DLGAP2: variants seen among roughly 807,000 people sequenced by gnomAD.
DLGAP2 encodes DLG associated protein 2, also known as disks large-associated protein 2.
Under a neutral mutation model 100.3 loss-of-function variants are expected in DLGAP2, and 26 were observed. That is an observed-to-expected ratio of 0.26 (90% confidence interval 0.19 to 0.36). The LOEUF (loss-of-function observed/expected upper bound fraction) is 0.36. Ranked by LOEUF, DLGAP2 falls within the 10% of genes least tolerant of loss-of-function variation. The pLI is 1.00. For missense variants in DLGAP2, 1,858 were observed against 1,453.2 expected (o/e 1.28, Z -4.53); for synonymous variants, 886 against 630.1 (o/e 1.41, Z -6.08).
At chr8:943,269 G>C (rs1378667266) in intron 2 of DLGAP2, among the ~76,000 whole-genome samples, 2 of 151,998 alleles carry the variant, frequency 1.3e-5, no homozygotes, top group Non-Finnish European at 1.5e-5. Context: ...CAGGCTTGCT[G>C]CTTGCCTTTC....
At chr8:855,245 T>G (rs1180199305) in intron 1 of DLGAP2, among the ~76,000 whole-genome samples, 1 of 152,178 alleles carries the variant, frequency 6.6e-6, no homozygotes, top group Non-Finnish European at 1.5e-5. Context: ...TCATTTCCTT[T>G]CTCTTTTTTC....
chr8:1,329,179 G>T (rs1438442504), intron 3 of DLGAP2, among the ~76,000 whole-genome samples: 2 of 152,254 alleles, frequency 1.3e-5, no homozygotes, highest in Non-Finnish European at 2.9e-5. Flanking sequence ...GTTCTCAAGA[G>T]ATGTGAAGAA....
At chr8:865,795 C>T (rs1585949702) in intron 1 of DLGAP2, among the ~76,000 whole-genome samples, 1 of 152,188 alleles carries the variant, frequency 6.6e-6, no homozygotes, top group Non-Finnish European at 1.5e-5. Flanking sequence ...TACATTCCAG[C>T]TCATTGGATG....
At chr8:1,587,742 A>G (rs6998207) in intron 6 of DLGAP2, among the ~76,000 whole-genome samples, 72,024 of 151,914 alleles carry the variant, frequency 0.47, 17,194 homozygotes, top group African/African-American at 0.5. Flanking sequence ...AAATTTTTAT[A>G]ATGTGTAAAA....
intron 2 of DLGAP2, among the ~76,000 whole-genome samples, chr8:1,096,943 A>G (rs1459259510): frequency 7.1e-6 from 1 of 140,250 alleles, no homozygotes; most frequent in African/African-American, 2.7e-5. Flanking sequence ...AGCCCGGGGC[A>G]GGCCTTCACC....
intron 3 of DLGAP2, among the ~76,000 whole-genome samples, chr8:1,389,223 G>A (rs1254992698): frequency 1.3e-5 from 2 of 152,072 alleles, no homozygotes; most frequent in Non-Finnish European, 2.9e-5. Flanking sequence ...ATAATGGGAG[G>A]AGCGGTACTC....
intron 3 of DLGAP2, among the ~76,000 whole-genome samples, chr8:1,325,842 G>A (rs989786929): frequency 6.6e-6 from 1 of 152,202 alleles, no homozygotes; most frequent in East Asian, 1.9e-4. Flanking sequence ...TGCAAGGACC[G>A]TCCATGGAGA....
At chr8:857,833 A>G (rs1229747536) in intron 1 of DLGAP2, among the ~76,000 whole-genome samples, 1 of 151,812 alleles carries the variant, frequency 6.6e-6, no homozygotes, top group Non-Finnish European at 1.5e-5. Context: ...GTTCACCCAG[A>G]TACTTGAAAA....
At chr8:1,204,634 A>T (rs1797951460) in intron 2 of DLGAP2, among the ~76,000 whole-genome samples, 1 of 152,164 alleles carries the variant, frequency 6.6e-6, no homozygotes, top group South Asian at 2.1e-4. Context: ...TGGGAACTGC[A>T]TGTTGGCTGA....
chr8:822,034 G>A (rs559985298), intron 1 of DLGAP2: 2 of 398,294 alleles, frequency 5.0e-6, no homozygotes, highest in Admixed American at 8.8e-5. Context: ...TTCCCCATAG[G>A]GGAGGTTATT....
chr8:1,093,608 C>A (rs528064013), intron 2 of DLGAP2, among the ~76,000 whole-genome samples: 2 of 151,980 alleles, frequency 1.3e-5, no homozygotes, highest in Non-Finnish European at 2.9e-5. Flanking sequence ...CAGACAGAAA[C>A]ACCTTCACAC....
intron 3 of DLGAP2, among the ~76,000 whole-genome samples, chr8:1,308,592 C>T (rs1237786444): frequency 6.6e-6 from 1 of 152,196 alleles, no homozygotes; most frequent in Non-Finnish European, 1.5e-5. Flanking sequence ...GTGGTGTGAT[C>T]TCAGCTCACT....
At chr8:1,538,559 C>T (rs1439557348) in intron 4 of DLGAP2, among the ~76,000 whole-genome samples, 1 of 152,222 alleles carries the variant, frequency 6.6e-6, no homozygotes, top group Non-Finnish European at 1.5e-5. Flanking sequence ...GTGCAGGGCG[C>T]ATTCTGTGCA....
chr8:1,646,183 T>C (rs1360783604), intron 8 of DLGAP2, among the ~76,000 whole-genome samples: 1 of 152,168 alleles, frequency 6.6e-6, no homozygotes, highest in African/African-American at 2.4e-5. Flanking sequence ...GGCCACGTCC[T>C]ATCTAGTGGA....
At chr8:1,267,613 T>TAAAATACAATAAAATAAAA (rs879495675) in intron 3 of DLGAP2, among the ~76,000 whole-genome samples, 1 of 93,436 alleles carries the variant, frequency 1.1e-5, no homozygotes, top group African/African-American at 5.8e-5. Context: ...TAAGATAAGA[T>TAAAATACAATAAAATAAAA]AAGATAAGAT....
intron 2 of DLGAP2, among the ~76,000 whole-genome samples, chr8:968,154 T>C (rs1799926528): frequency 6.6e-6 from 1 of 151,976 alleles, no homozygotes; most frequent in Non-Finnish European, 1.5e-5. Context: ...ATTTGTGACT[T>C]CTGTTTATGT....
intron 6 of DLGAP2, among the ~76,000 whole-genome samples, chr8:1,577,157 AT>A (rs1803012422): frequency 6.6e-6 from 1 of 152,242 alleles, no homozygotes; most frequent in Admixed American, 6.5e-5. Context: ...ATCACAAAAA[AT>A]GTGAAATATT....
rs190472326 is a variant in DLGAP2, at chr8:1,530,153, A to G, written c.173-18473A>G. ...ATTTGGCAGGAATTTCCTCTTCCTAATAAGCCTGGGAGCACTATGGGAGAC... is the reference window on the plus strand; with the variant it reads ...ATTTGGCAGGAATTTCCTCTTCCTAGTAAGCCTGGGAGCACTATGGGAGAC... On this transcript the variant is annotated intron_variant, in intron 4 of 14. Transcript: ENST00000637795. Among the ~76,000 whole-genome samples the G allele has an allele frequency of 1.4e-4, 22 of 152,266 alleles. No homozygotes were observed. The East Asian group carries it at 3.5e-3, about 24-fold the overall frequency.
chr8:1,464,907 A>G (rs181726045), intron 3 of DLGAP2, among the ~76,000 whole-genome samples: 1 of 147,702 alleles, frequency 6.8e-6, no homozygotes. Context: ...AAAAAGTAGT[A>G]TCTGAGTAGA....
Sources: allele counts gnomAD v4.1 joint callset (sites outside exome capture counted in the v4.1 genomes callset), GRCh38; gene constraint gnomAD v4.1.1; transcripts MANE v1.5; gene names NCBI Gene and HGNC (gene_info 2026-07-23, HGNC 2026-07-21).